The following DENND2B variants were observed in gnomAD, a reference collection of about 807,000 sequenced individuals.
DENND2B encodes the protein DENN domain containing 2B.
In DENND2B, 32 loss-of-function variants were observed where a neutral mutation model predicts 116.0. The ratio of observed to expected loss-of-function variants is 0.28; its 90% CI spans 0.21 to 0.37. The LOEUF is 0.37. Among genes scored for constraint, DENND2B ranks in the 10% least tolerant of loss-of-function variants. DENND2B has a pLI of 1.00. For synonymous variants in DENND2B, 588 were observed against 583.9 expected (o/e 1.01, Z -0.10); for missense variants, 1,276 against 1,477.7 (o/e 0.86, Z 2.24).
chr11:8,759,421 T>C (rs749553222), intron 1 of DENND2B, among the ~76,000 whole-genome samples: 8 of 152,086 alleles, frequency 5.3e-5, no homozygotes, highest in Admixed American at 4.6e-4. Context: ...AACGTAAACA[T>C]TGCCCAGCAC....
At position 8,707,937 on chromosome 11, in the gene DENND2B, C is replaced by G; in HGVS notation, c.2353-83G>C. The G allele has an allele frequency of 6.5e-7, 1 of 1,547,916 alleles. No homozygotes were observed. Among genetic ancestry groups the G allele is most frequent in the Non-Finnish European group, 8.7e-7 (1 of 1,148,676 alleles). ...ATTTCTGGCTCCTTTTCCTTGGGAA[C>G]GGAGGAGTAAGGACTGCCCTTCTAG... On this transcript the variant is annotated intron_variant, in intron 11 of 19. Transcript: ENST00000313726. This position sits in a 1 kb window ranked among gnomAD's most constrained non-coding sequence, Gnocchi z 4.8.
At chr11:8,851,752 A>G (rs922587937) in intron 3 of DENND2B, among the ~76,000 whole-genome samples, 1 of 152,202 alleles carries the variant, frequency 6.6e-6, no homozygotes, top group Non-Finnish European at 1.5e-5. Flanking sequence ...CAATAACAGG[A>G]GATTAAAGTA....
chr11:8,700,659 C>G (rs1243595924), intron 14 of DENND2B, among the ~76,000 whole-genome samples: 1 of 152,100 alleles, frequency 6.6e-6, no homozygotes, highest in Admixed American at 6.6e-5. Flanking sequence ...TAATCAATGT[C>G]CAAATGACCA....
chr11:8,861,526 A>G (rs1025950226), intron 2 of DENND2B, among the ~76,000 whole-genome samples: 1 of 152,250 alleles, frequency 6.6e-6, no homozygotes, highest in Non-Finnish European at 1.5e-5. Flanking sequence ...AAAAAGTCAA[A>G]AAACAATAGA....
chr11:8,754,029 G>GCGCGCA (rs146486674), intron 1 of DENND2B, among the ~76,000 whole-genome samples: 3,798 of 138,774 alleles, frequency 0.027, 74 homozygotes, highest in South Asian at 0.052. Context: ...CCAAAAGCGC[G>GCGCGCA]CACACACACA....
At chr11:8,779,817 G>A (rs1032641090) in intron 1 of DENND2B, among the ~76,000 whole-genome samples, 6 of 152,106 alleles carry the variant, frequency 3.9e-5, no homozygotes, top group African/African-American at 1.4e-4. Flanking sequence ...GCCCGGCCAA[G>A]GTTTCCATTT....
At chr11:8,909,394 GAAGGAAGAA>G (rs1190026571) in intron 1 of DENND2B, among the ~76,000 whole-genome samples, 1 of 148,766 alleles carries the variant, frequency 6.7e-6, no homozygotes, top group Non-Finnish European at 1.5e-5. Flanking sequence ...GAAGAAGGAA[GAAGGAAGAA>G]GAGGAAGAAG....
chr11:8,743,016 A>C (rs569715840), intron 2 of DENND2B, among the ~76,000 whole-genome samples: 1 of 152,138 alleles, frequency 6.6e-6, no homozygotes, highest in South Asian at 2.1e-4. Flanking sequence ...GTGAGATGAG[A>C]TCGCGCCATT....
In DENND2B at chr11:8,694,204, G is replaced by A. The variant is rs112077477; in HGVS notation, c.3380-74C>T. On this transcript the variant is annotated intron_variant, in intron 19 of 19. Coordinates refer to ENST00000313726, the MANE Select transcript of DENND2B (RefSeq NM_213618.2). ...ACCTCCACTCCCTCTCCTCCTTGTA[G>A]CCCTAACCCTGTCAGTGGGAGAGGA... The A allele has an allele frequency of 1.4e-5, 21 of 1,546,102 alleles. No homozygotes were observed. In the African/African-American group the frequency reaches 2.7e-4, roughly 20 times the overall value.
At chr11:8,752,465 A>G (rs1241792452) in intron 1 of DENND2B, among the ~76,000 whole-genome samples, 2 of 151,544 alleles carry the variant, frequency 1.3e-5, no homozygotes, top group East Asian at 3.9e-4. Flanking sequence ...AAAAAAAGAG[A>G]GAAAAAAACT....
intron 15 of DENND2B, 28 bp from the exon 16 acceptor site, chr11:8,699,002 G>T: frequency 1.2e-6 from 2 of 1,613,488 alleles, no homozygotes; most frequent in Non-Finnish European, 8.5e-7. Flanking sequence ...TAGCAGAGTG[G>T]CTCAGGGCAT....
At chr11:8,718,078 A>G in intron 4 of DENND2B, 186 bp from the exon 5 acceptor site, 3 of 585,922 alleles carry the variant, frequency 5.1e-6, no homozygotes, top group East Asian at 3.0e-5. Flanking sequence ...TCCTGGCTCC[A>G]AGTCCAGAAG....
intron 1 of DENND2B, among the ~76,000 whole-genome samples, chr11:8,798,413 G>A (rs1382375942): frequency 6.6e-6 from 1 of 152,152 alleles, no homozygotes; most frequent in South Asian, 2.1e-4. Context: ...AAAGAGAACA[G>A]ACTGAGGATT....
At chr11:8,778,776 T>A (rs2058032301) in intron 1 of DENND2B, among the ~76,000 whole-genome samples, 1 of 152,202 alleles carries the variant, frequency 6.6e-6, no homozygotes. Flanking sequence ...AACACCTGAT[T>A]CTGTCACCTG....
chr11:8,750,455 C>A (rs2052165313), intron 2 of DENND2B, among the ~76,000 whole-genome samples, 166 bp downstream of exon 2: 1 of 152,232 alleles, frequency 6.6e-6, no homozygotes, highest in Non-Finnish European at 1.5e-5. Flanking sequence ...CACATAGAAA[C>A]TTACAGAACT....
intron 1 of DENND2B, among the ~76,000 whole-genome samples, chr11:8,789,782 T>A (rs373740940): frequency 0.018 from 2,599 of 147,684 alleles, 82 homozygotes; most frequent in African/African-American, 0.06. Context: ...CTACAAAAAA[T>A]AAAAAAATAA....
chr11:8,851,526 TCTCG>T (rs1437098558), intron 3 of DENND2B, among the ~76,000 whole-genome samples: 1 of 152,170 alleles, frequency 6.6e-6, no homozygotes, highest in Non-Finnish European at 1.5e-5. Context: ...AAACAGGCAC[TCTCG>T]CTCACGCTAG....
intron 3 of DENND2B, among the ~76,000 whole-genome samples, chr11:8,841,614 C>T (rs1012645986): frequency 6.6e-6 from 1 of 152,200 alleles, no homozygotes; most frequent in Non-Finnish European, 1.5e-5. Context: ...TGTACCACTG[C>T]ACTCCAGCCT....
At chr11:8,904,582 A>G (rs975131522) in intron 1 of DENND2B, among the ~76,000 whole-genome samples, 2 of 152,210 alleles carry the variant, frequency 1.3e-5, no homozygotes, top group Non-Finnish European at 2.9e-5. Context: ...CAGTGCGATT[A>G]GGCAAGAAAA....
Sources: allele counts gnomAD v4.1 joint callset (sites outside exome capture counted in the v4.1 genomes callset), GRCh38; gene constraint gnomAD v4.1.1; non-coding constraint Gnocchi (gnomAD v3.1); transcripts MANE v1.5; gene names NCBI Gene and HGNC (gene_info 2026-07-23, HGNC 2026-07-21).